Variants in RBFOX1 observed in about 807,000 individuals in gnomAD.
RBFOX1 encodes the protein RNA binding fox-1 homolog 1.
A neutral mutation model predicts 57.7 loss-of-function variants in RBFOX1; 8 were observed. That is an observed-to-expected ratio of 0.14 (90% CI 0.08 to 0.25). The LOEUF (loss-of-function observed/expected upper bound fraction) is 0.25, where lower values mean the gene tolerates loss of function less well. Among genes scored for constraint, RBFOX1 ranks in the 10% least tolerant of loss-of-function variants. The pLI, the probability that RBFOX1 is intolerant of heterozygous loss-of-function variation, is 1.00. For synonymous variants in RBFOX1, 326 were observed against 222.4 expected, an observed-to-expected ratio of 1.47 and a Z score of -4.15; for missense variants, 611 against 548.5, an observed-to-expected ratio of 1.11 and a Z score of -1.14.
At chr16:6,777,156 G>T (rs575301534) in intron 3 of RBFOX1, among the ~76,000 whole-genome samples, 2 of 140,082 alleles carry the variant, frequency 1.4e-5, no homozygotes, top group South Asian at 2.2e-4. Flanking sequence ...ACATTTTCCA[G>T]ATATTTCTAG....
chr16:5,524,647 C>T (rs9926414), intron 2 of RBFOX1, among the ~76,000 whole-genome samples: 6,561 of 151,582 alleles, frequency 0.043, 488 homozygotes, highest in African/African-American at 0.15. Flanking sequence ...TTCCGTCAGT[C>T]CTCCTGCCTC....
chr16:5,908,991 G>A (rs951229739), intron 4 of RBFOX1, among the ~76,000 whole-genome samples: 15 of 151,836 alleles, frequency 9.9e-5, no homozygotes, highest in Admixed American at 6.6e-5. Context: ...TTGATCTTGG[G>A]CTTCCATCCT....
intron 1 of RBFOX1, among the ~76,000 whole-genome samples, chr16:6,198,476 G>A (rs143126543): frequency 9.9e-4 from 151 of 152,280 alleles, no homozygotes; most frequent in African/African-American, 3.6e-3. Flanking sequence ...TGTTAAAATA[G>A]AGGACAATGA....
At chr16:5,411,020 T>G (rs1280019222) in intron 1 of RBFOX1, among the ~76,000 whole-genome samples, 1 of 152,232 alleles carries the variant, frequency 6.6e-6, no homozygotes, top group Non-Finnish European at 1.5e-5. Context: ...ACCTAGTAAG[T>G]GCTCATTAAA....
At chr16:7,431,264 G>C (rs1397284089) in intron 4 of RBFOX1, 1 of 152,102 alleles carries the variant, frequency 6.6e-6, no homozygotes, top group East Asian at 1.9e-4. Flanking sequence ...TCACTGTGTT[G>C]GCCAGGCTGG....
At chr16:6,537,182 G>A (rs978752568) in intron 2 of RBFOX1, among the ~76,000 whole-genome samples, 1 of 152,040 alleles carries the variant, frequency 6.6e-6, no homozygotes, top group Non-Finnish European at 1.5e-5. Flanking sequence ...ATTCTGTTTC[G>A]TAGGTCTGGG....
intron 4 of RBFOX1, among the ~76,000 whole-genome samples, chr16:7,468,458 T>G (rs2060933083): frequency 2.0e-5 from 1 of 49,310 alleles, no homozygotes; most frequent in Non-Finnish European, 5.5e-5. Context: ...TCGGAGGGTG[T>G]TTTTTTTTTT....
At chr16:7,117,242 G>A (rs903403211) in intron 4 of RBFOX1, among the ~76,000 whole-genome samples, 3 of 152,038 alleles carry the variant, frequency 2.0e-5, no homozygotes, top group Admixed American at 6.6e-5. Context: ...TGTTAAACTC[G>A]GGAAAAACTG....
chr16:6,281,321 A>T (rs1396034292), intron 1 of RBFOX1, among the ~76,000 whole-genome samples: 1 of 152,146 alleles, frequency 6.6e-6, no homozygotes, highest in African/African-American at 2.4e-5. Context: ...GAGGAGGAAG[A>T]TGCATCTCAG....
Position 7,445,911 on chromosome 16 carries a change from G to C in RBFOX1, c.28-72236G>C, listed in dbSNP as rs888295014. Among the ~76,000 whole-genome samples, 23 of 152,274 alleles carry C rather than the reference G, an allele frequency of 1.5e-4. 1 individual carries two copies. The South Asian group carries it at 4.6e-3, about 30-fold the overall frequency. Reference sequence around the variant, plus strand: ...TGGATGGTGAGTATTTTCCATTTTAGTTTAGCTGTGAAGCTTCGCTTTCCC... The same window carrying C: ...TGGATGGTGAGTATTTTCCATTTTACTTTAGCTGTGAAGCTTCGCTTTCCC... On this transcript the variant is annotated intron_variant, in intron 4 of 15. Coordinates refer to ENST00000550418, the MANE Select transcript of RBFOX1 (RefSeq NM_018723.4).
chr16:5,614,800 C>T lies in RBFOX1; in HGVS notation c.318+15839C>T, dbSNP rs140992599. ...AAGGTGCACAAATTAAAAACAAAAACATCCGACATTCATTCCTGGCCAAGA... is the reference window on the plus strand; with the variant it reads ...AAGGTGCACAAATTAAAAACAAAAATATCCGACATTCATTCCTGGCCAAGA... On this transcript the variant is annotated intron_variant, in intron 3 of 19. Coordinates refer to the RBFOX1 transcript ENST00000641259. Among the ~76,000 whole-genome samples, 985 of 152,272 alleles carry T rather than the reference C, an allele frequency of 6.5e-3. 7 individuals carry two copies. Among genetic ancestry groups the T allele is most frequent in the Non-Finnish European group, 0.011 (748 of 68,032 alleles).
At chr16:7,649,547 G>A (rs1426952677) in intron 11 of RBFOX1, among the ~76,000 whole-genome samples, 3 of 151,956 alleles carry the variant, frequency 2.0e-5, no homozygotes, top group African/African-American at 4.8e-5. Context: ...TAATGGTTGT[G>A]TTGCTTGCAT....
intron 3 of RBFOX1, among the ~76,000 whole-genome samples, chr16:6,948,669 A>C (rs1415828334): frequency 6.6e-6 from 1 of 152,064 alleles, no homozygotes; most frequent in East Asian, 1.9e-4. Flanking sequence ...AGCGTGAGCC[A>C]CCACGCCTGG....
At chr16:6,837,057 G>T (rs2093152623) in intron 3 of RBFOX1, among the ~76,000 whole-genome samples, 1 of 152,160 alleles carries the variant, frequency 6.6e-6, no homozygotes, top group African/African-American at 2.4e-5. Context: ...GACAGGGTAA[G>T]GATGAGTTGG....
At chr16:7,370,987 A>G (rs2097555123) in intron 4 of RBFOX1, among the ~76,000 whole-genome samples, 1 of 152,228 alleles carries the variant, frequency 6.6e-6, no homozygotes, top group Non-Finnish European at 1.5e-5. Flanking sequence ...AAATTGTAGC[A>G]TCAGCAGGAC....
chr16:7,137,098 G>A (rs933238659), intron 4 of RBFOX1, among the ~76,000 whole-genome samples: 25 of 152,318 alleles, frequency 1.6e-4, no homozygotes, highest in African/African-American at 5.5e-4. Flanking sequence ...CTGAGGCCCA[G>A]AGAAGTTAGA....
At chr16:6,567,552 C>T (rs2097284403) in intron 2 of RBFOX1, among the ~76,000 whole-genome samples, 2 of 152,124 alleles carry the variant, frequency 1.3e-5, no homozygotes, top group East Asian at 3.9e-4. Context: ...ATTACTATTT[C>T]ATTGTGTTTC....
At chr16:7,093,373 G>A (rs1429657695) in intron 4 of RBFOX1, among the ~76,000 whole-genome samples, 2 of 152,098 alleles carry the variant, frequency 1.3e-5, no homozygotes, top group East Asian at 3.9e-4. Context: ...CTGTTGTCTC[G>A]AATATTCCAG....
chr16:7,365,619 C>G (rs2097427966), intron 4 of RBFOX1, among the ~76,000 whole-genome samples: 1 of 152,196 alleles, frequency 6.6e-6, no homozygotes, highest in Non-Finnish European at 1.5e-5. Context: ...GGCACAGAAT[C>G]TTGTGCTGAT....
Sources: gnomAD v4.1 joint callset for allele counts (sites outside exome capture counted in the v4.1 genomes callset) on GRCh38, gnomAD v4.1.1 for gene constraint, MANE v1.5 for transcripts, NCBI Gene and HGNC (gene_info 2026-07-23, HGNC 2026-07-21) for gene names.